Variants in SPATS2 observed in about 807,000 individuals in gnomAD.
SPATS2 encodes spermatogenesis-associated serine-rich protein 2.
A neutral mutation model predicts 63.7 loss-of-function variants in SPATS2; 38 were observed. The ratio of observed to expected loss-of-function variants is 0.60; its 90% CI spans 0.46 to 0.78. The LOEUF (loss-of-function observed/expected upper bound fraction) is 0.78, where lower values mean the gene tolerates loss of function less well. Among genes scored for constraint, SPATS2 ranks in the 30% least tolerant of loss-of-function variants. SPATS2 has a pLI of 0.00. For synonymous variants in SPATS2, 207 were observed against 232.9 expected (o/e 0.89, Z 1.01); for missense variants, 588 against 666.2 (o/e 0.88, Z 1.29).
chr12:49,516,293 G>A (rs962884281), intron 10 of SPATS2, among the ~76,000 whole-genome samples: 5 of 148,208 alleles, frequency 3.4e-5, no homozygotes, highest in South Asian at 4.3e-4. Context: ...CCAGGAGGTC[G>A]AGGCTGCAGT....
intron 2 of SPATS2, among the ~76,000 whole-genome samples, chr12:49,412,943 AAAG>A (rs1292317053): frequency 6.6e-6 from 1 of 152,154 alleles, no homozygotes; most frequent in African/African-American, 2.4e-5. Context: ...TCAGCTGGGG[AAAG>A]AAGAAGGAAC....
intron 4 of SPATS2, 97 bp downstream of exon 4, chr12:49,484,766 A>T: frequency 9.8e-7 from 1 of 1,022,034 alleles, no homozygotes; most frequent in Non-Finnish European, 1.5e-6. Flanking sequence ...ATGAGACTGA[A>T]ATTTTAAGAA....
At chr12:49,409,399 G>A (rs1198503257) in intron 2 of SPATS2, among the ~76,000 whole-genome samples, 13 of 151,228 alleles carry the variant, frequency 8.6e-5, no homozygotes, top group African/African-American at 2.7e-4. Flanking sequence ...TCCGCCTCCC[G>A]GGTTCACGCC....
chr12:49,419,144 CTAGTATTACT>C (rs1301182837), intron 2 of SPATS2, among the ~76,000 whole-genome samples: 1 of 152,116 alleles, frequency 6.6e-6, no homozygotes, highest in Non-Finnish European at 1.5e-5. Flanking sequence ...TTTAAGTCTC[CTAGTATTACT>C]TAACTAATTT....
intron 8 of SPATS2, among the ~76,000 whole-genome samples, chr12:49,498,978 G>T (rs917737907): frequency 3.3e-5 from 5 of 151,876 alleles, no homozygotes; most frequent in Non-Finnish European, 7.4e-5. Flanking sequence ...TAGAGACAGG[G>T]TTTCACCATG....
At position 49,428,445 on chromosome 12, in the gene SPATS2, C is replaced by T. The variant is rs186117805; in HGVS notation, c.-243-32325C>T. 1.9e-3 allele frequency among the ~76,000 whole-genome samples: 285 copies of T among 152,286 alleles called. 1 individual carries two copies. Among genetic ancestry groups the T allele is most frequent in the African/African-American group, 5.6e-3 (231 of 41,572 alleles). On this transcript the variant is annotated intron_variant, in intron 2 of 13. Coordinates refer to ENST00000552918, the MANE Select transcript of SPATS2 (RefSeq NM_023071.4). ...AATCAGTAACTCTCATTCCCTCTTC[C>T]CCCTAGCCTCTGGCTGCTACCAGTC... is the stretch of plus-strand genomic sequence containing the variant.
intron 2 of SPATS2, chr12:49,389,401 T>TCC: frequency 1.7e-6 from 1 of 576,580 alleles, no homozygotes; most frequent in Admixed American, 3.1e-5. Context: ...GGAGGCAGAT[T>TCC]AGGGGCGCGG....
intron 2 of SPATS2, among the ~76,000 whole-genome samples, chr12:49,446,416 TC>T (rs1190448845): frequency 2.0e-5 from 3 of 152,206 alleles, no homozygotes; most frequent in Admixed American, 2.0e-4. Context: ...AAGGCTTTGT[TC>T]CTTTCAGGAA....
intron 2 of SPATS2, among the ~76,000 whole-genome samples, chr12:49,376,741 G>A (rs139658348): frequency 4.3e-5 from 6 of 138,838 alleles, no homozygotes; most frequent in Admixed American, 1.5e-4. Flanking sequence ...TTTTTGAGAC[G>A]GAGTCTCACT....
chr12:49,393,103 C>T (rs143748405), intron 2 of SPATS2, among the ~76,000 whole-genome samples: 1 of 152,170 alleles, frequency 6.6e-6, no homozygotes, highest in Non-Finnish European at 1.5e-5. Context: ...CTTTGTCTCA[C>T]CTTAATTATG....
chr12:49,517,459 A>G (rs1313622680), intron 10 of SPATS2, among the ~76,000 whole-genome samples: 1 of 152,172 alleles, frequency 6.6e-6, no homozygotes, highest in African/African-American at 2.4e-5. Context: ...GTGTTACAGG[A>G]TTCTATGTAT....
chr12:49,436,470 C>T (rs1287147546), intron 2 of SPATS2, among the ~76,000 whole-genome samples: 2 of 138,400 alleles, frequency 1.4e-5, no homozygotes, highest in Admixed American at 6.9e-5. Context: ...CCAGTAGGGG[C>T]GGCCAGGCAG....
intron 11 of SPATS2, among the ~76,000 whole-genome samples, chr12:49,520,195 G>A (rs554161813): frequency 2.0e-5 from 3 of 151,854 alleles, no homozygotes; most frequent in South Asian, 2.1e-4. Flanking sequence ...GGTCAGGCTG[G>A]TCTCAAACTC....
intron 2 of SPATS2, among the ~76,000 whole-genome samples, chr12:49,408,091 ATTAG>A (rs1214616490): frequency 1.3e-5 from 2 of 152,224 alleles, no homozygotes; most frequent in African/African-American, 4.8e-5. Context: ...CTAAAAAGTT[ATTAG>A]TTATTAGACT....
intron 2 of SPATS2, among the ~76,000 whole-genome samples, chr12:49,399,657 G>A (rs914304216): frequency 1.3e-5 from 2 of 152,140 alleles, no homozygotes; most frequent in Non-Finnish European, 2.9e-5. Flanking sequence ...AAGTTGTTTC[G>A]GATTGGTAGT....
intron 2 of SPATS2, among the ~76,000 whole-genome samples, chr12:49,444,370 A>T (rs182378813): frequency 3.3e-4 from 50 of 151,860 alleles, no homozygotes; most frequent in Admixed American, 1.6e-3. Flanking sequence ...GTTGCACGTC[A>T]TTGTGCCCAG....
upstream of SPATS2, chr12:49,367,301 A>G: frequency 2.8e-6 from 1 of 360,536 alleles, no homozygotes; most frequent in Non-Finnish European, 5.0e-6. Flanking sequence ...CACGCGCCCG[A>G]GAGGGCTCCG....
chr12:49,488,182 T>C (rs1946326557), intron 4 of SPATS2, among the ~76,000 whole-genome samples: 1 of 151,906 alleles, frequency 6.6e-6, no homozygotes, highest in African/African-American at 2.4e-5. Flanking sequence ...GTATCTGGGA[T>C]TACAGGCATG....
At chr12:49,375,603 A>G (rs1167993019) in intron 2 of SPATS2, among the ~76,000 whole-genome samples, 2 of 152,148 alleles carry the variant, frequency 1.3e-5, no homozygotes, top group African/African-American at 4.8e-5. Flanking sequence ...TTGGATATCT[A>G]GTTACATTTT....
Sources: allele counts gnomAD v4.1 joint callset (sites outside exome capture counted in the v4.1 genomes callset), GRCh38; gene constraint gnomAD v4.1.1; transcripts MANE v1.5; gene names NCBI Gene and HGNC (gene_info 2026-07-23, HGNC 2026-07-21).